The following PCNX2 variants were observed in gnomAD, a reference collection of about 807,000 sequenced individuals.
PCNX2 encodes the protein pecanex-like protein 2.
Under a neutral mutation model 223.8 loss-of-function variants are expected in PCNX2, and 168 were observed. The observed-to-expected ratio is 0.75, with a 90% CI of 0.66 to 0.85. The LOEUF is 0.85. PCNX2 is among the 40% of genes least tolerant of loss of function. PCNX2 has a pLI of 0.00. For synonymous variants in PCNX2, 1,006 were observed against 1,052.6 expected (o/e 0.96, Z 0.86); for missense variants, 2,507 against 2,675.5 (o/e 0.94, Z 1.39).
chr1:233,034,273 T>C (rs1165444650), intron 25 of PCNX2, among the ~76,000 whole-genome samples: 3 of 151,786 alleles, frequency 2.0e-5, no homozygotes, highest in Non-Finnish European at 4.4e-5. Context: ...GTTATGAGGG[T>C]GCGGCCCTCA....
intron 17 of PCNX2, among the ~76,000 whole-genome samples, chr1:233,164,889 A>G (rs964962529): frequency 6.6e-5 from 10 of 152,076 alleles, no homozygotes; most frequent in African/African-American, 2.4e-4. Context: ...GGGAGAAGGA[A>G]GGGGGAGGAG....
At chr1:233,085,013 A>C (rs950308399) in intron 23 of PCNX2, among the ~76,000 whole-genome samples, 1 of 152,204 alleles carries the variant, frequency 6.6e-6, no homozygotes, top group Non-Finnish European at 1.5e-5. Flanking sequence ...TTCCTCTGAC[A>C]TAATACTGTT....
At chr1:233,058,110 T>G in intron 23 of PCNX2, 4 of 941,940 alleles carry the variant, frequency 4.2e-6, no homozygotes, top group Non-Finnish European at 5.1e-6. Flanking sequence ...GCTTTGAACC[T>G]ATTCCATCAT....
chr1:233,298,230 A>C (rs1350312616), upstream of PCNX2, among the ~76,000 whole-genome samples: 2 of 152,124 alleles, frequency 1.3e-5, no homozygotes, highest in Admixed American at 6.5e-5. Context: ...GGAGGAAAGG[A>C]GGAAAATAAG....
At chr1:233,312,502 T>C in the PCNX2 span, among the ~76,000 whole-genome samples, 1 of 152,328 alleles carries the variant, frequency 6.6e-6, no homozygotes, top group African/African-American at 2.4e-5. Flanking sequence ...AGGCCCAAGT[T>C]ATTTCACAGC....
the PCNX2 span, among the ~76,000 whole-genome samples, chr1:233,306,580 T>G: frequency 6.6e-6 from 1 of 152,242 alleles, no homozygotes; most frequent in Non-Finnish European, 1.5e-5. Context: ...GGACAAATAT[T>G]TTTATTGGAT....
intron 19 of PCNX2, among the ~76,000 whole-genome samples, chr1:233,140,631 T>C (rs892431371): frequency 5.9e-5 from 9 of 152,232 alleles, no homozygotes; most frequent in African/African-American, 2.2e-4. Flanking sequence ...TAATGAGGAA[T>C]GCATGCTTGC....
At chr1:233,319,842 T>C in the PCNX2 span, among the ~76,000 whole-genome samples, 1 of 152,244 alleles carries the variant, frequency 6.6e-6, no homozygotes, top group Non-Finnish European at 1.5e-5. Flanking sequence ...AATATTTATT[T>C]ATAGCTTTAT....
intron 23 of PCNX2, among the ~76,000 whole-genome samples, chr1:233,082,085 G>A (rs1057108930): frequency 6.6e-6 from 1 of 152,034 alleles, no homozygotes; most frequent in Non-Finnish European, 1.5e-5. Context: ...ATCAGCCCTG[G>A]GTTAATATCG....
intron 30 of PCNX2, 91 bp from the exon 31 acceptor site, chr1:232,999,470 T>C: frequency 8.8e-7 from 1 of 1,137,034 alleles, no homozygotes. Context: ...TTTTTTTTTT[T>C]GAGATAGAGT....
At chr1:233,284,520 C>A (rs1184926496) in intron 1 of PCNX2, among the ~76,000 whole-genome samples, 1 of 152,148 alleles carries the variant, frequency 6.6e-6, no homozygotes, top group Non-Finnish European at 1.5e-5. Flanking sequence ...GATTCCATCT[C>A]CCATCTTTAC....
intron 8 of PCNX2, among the ~76,000 whole-genome samples, chr1:233,243,827 T>C (rs1432909816): frequency 1.4e-5 from 2 of 147,422 alleles, no homozygotes; most frequent in Non-Finnish European, 2.9e-5. Context: ...ATCACCTTTA[T>C]TTTTTATTTT....
At position 233,072,677 on chromosome 1, in the gene PCNX2, A is replaced by G. The variant is rs556208767; in HGVS notation, c.4077-15387T>C. On this transcript the variant is annotated intron_variant, in intron 23 of 33. Transcript: ENST00000258229. ...GTCAAGTGTGGTTTTCTCCCATACT[A>G]TTAATATAATCTATCATATTAATTG... Among the ~76,000 whole-genome samples the G allele has an allele frequency of 1.3e-4, 20 of 152,322 alleles. 1 individual carries two copies. In the South Asian group the frequency reaches 3.5e-3, roughly 27 times the overall value.
intron 32 of PCNX2, among the ~76,000 whole-genome samples, 178 bp from the exon 33 acceptor site, chr1:232,986,718 A>C (rs889275247): frequency 6.6e-6 from 1 of 152,116 alleles, no homozygotes; most frequent in Admixed American, 6.5e-5. Context: ...CCTCCCGCCA[A>C]GTCCAGGTCC....
intron 17 of PCNX2, among the ~76,000 whole-genome samples, chr1:233,173,348 T>C (rs921892704): frequency 1.3e-5 from 2 of 152,158 alleles, no homozygotes; most frequent in Non-Finnish European, 2.9e-5. Context: ...GTATTTTTAG[T>C]AGAGATGGGG....
At chr1:233,210,527 A>T in intron 12 of PCNX2, 1 of 936,430 alleles carries the variant, frequency 1.1e-6, no homozygotes, top group Non-Finnish European at 1.3e-6. Flanking sequence ...GATCCACCCG[A>T]CTTGGCCTCC....
At chr1:233,067,404 A>AAAAAAAAAAAAAAAATG (rs1672661617) in intron 23 of PCNX2, among the ~76,000 whole-genome samples, 1 of 117,318 alleles carries the variant, frequency 8.5e-6, no homozygotes, top group African/African-American at 3.4e-5. Flanking sequence ...AAAAAAAAAA[A>AAAAAAAAAAAAAAAATG]GCAAGACTTG....
At position 233,250,938 on chromosome 1, in the gene PCNX2, TATA is replaced by T. The variant is rs1273249084; in HGVS notation, c.2129-109_2129-107del. 3.5e-5 allele frequency: 43 copies of T among 1,223,598 alleles called. No individual in the cohort carries two copies. In the Admixed American group the frequency reaches 3.9e-4, roughly 11 times the overall value. 75.8% of individuals were successfully genotyped at this position (1,223,598 alleles called of 1,614,324 possible). A position where few individuals can be genotyped will look rare whatever the true frequency, so the allele number is the denominator to read the frequency against. On this transcript the variant is annotated intron_variant, in intron 7 of 33. Transcript: ENST00000258229. ...TAAAAGGAAACTTATTTTGGTCTGTTATAATAACTGTTGACAATCGGGGTCCAT... is the reference window on the plus strand; with the variant it reads ...TAAAAGGAAACTTATTTTGGTCTGTTATAACTGTTGACAATCGGGGTCCAT...
At chr1:233,145,452 T>C (rs974868501) in intron 19 of PCNX2, among the ~76,000 whole-genome samples, 1 of 152,336 alleles carries the variant, frequency 6.6e-6, no homozygotes, top group African/African-American at 2.4e-5. Flanking sequence ...CACCATTTAT[T>C]GAAAACAACT....
Sources: gnomAD v4.1 joint callset for allele counts (sites outside exome capture counted in the v4.1 genomes callset) on GRCh38, gnomAD v4.1.1 for gene constraint, MANE v1.5 for transcripts, NCBI Gene and HGNC (gene_info 2026-07-23, HGNC 2026-07-21) for gene names.